USP13: variants seen among roughly 807,000 people sequenced by gnomAD.
The protein encoded by USP13 is ubiquitin carboxyl-terminal hydrolase 13.
USP13 carries 68 observed loss-of-function variants against 107.8 expected under a neutral mutation model. The ratio of observed to expected loss-of-function variants is 0.63; its 90% CI spans 0.52 to 0.77. The LOEUF is 0.77. USP13 is among the 30% of genes least tolerant of loss of function. The pLI is 0.00. For synonymous variants in USP13, 377 were observed against 389.5 expected, an observed-to-expected ratio of 0.97 and a Z score of 0.38; for missense variants, 945 against 1,093.3, an observed-to-expected ratio of 0.86 and a Z score of 1.91.
At position 179,690,259 on chromosome 3, in the gene USP13, G is replaced by C; in HGVS notation, c.313G>C (p.Gly105Arg). ...HVREKVRGAS[G>R]GALPKRRNSK... The stretch of plus-strand genomic sequence containing the variant: ...TTTTCAGAAGGTAAGAGGGGCGTCT[G>C]GTGGAGCGTTACCAAAAAGGAGGAA... The change falls in exon 3 of 21, where the codon GGT becomes CGT. Residue 105 changes from glycine to arginine, a missense_variant. Gly to Arg is a moderately radical substitution (Grantham distance 125). Transcript: ENST00000263966. The C allele has an allele frequency of 6.2e-7, 1 of 1,613,940 alleles. No homozygotes were observed. The highest frequency in any genetic ancestry group is 8.5e-7 in the Non-Finnish European group (1 of 1,179,908).
intron 13 of USP13, among the ~76,000 whole-genome samples, 178 bp from the exon 14 acceptor site, chr3:179,752,107 A>G (rs959122889): frequency 1.3e-5 from 2 of 152,214 alleles, no homozygotes; most frequent in African/African-American, 4.8e-5. Context: ...GGCCAGGACA[A>G]ATGAGCAGGG....
Position 179,742,460 on chromosome 3 carries a change from A to G in USP13, c.1534+110A>G, listed in dbSNP as rs963091701. 1.5e-6 allele frequency: 2 copies of G among 1,341,318 alleles called. No homozygotes were observed. The highest frequency in any genetic ancestry group is 2.9e-5 in the African/African-American group (2 of 68,486). 83.1% of individuals were successfully genotyped at this position (1,341,318 alleles called of 1,614,324 possible). On this transcript the variant is annotated intron_variant, in intron 12 of 20. Transcript: ENST00000263966. This position sits in a 1 kb window ranked among gnomAD's most constrained non-coding sequence, Gnocchi z 5.0. ...AGTGTGTCAGGAGTAGACCCAGCCC[A>G]GGTGATGTCTGCTTTGCACATCTCT...
chr3:179,746,377 C>T (rs1406292080), intron 13 of USP13, among the ~76,000 whole-genome samples: 3 of 151,598 alleles, frequency 2.0e-5, no homozygotes, highest in Non-Finnish European at 2.9e-5. Context: ...TTTCAGCCTC[C>T]TGAGTAGCTG....
intron 9 of USP13, 41 bp from the exon 10 acceptor site, chr3:179,730,575 C>G: frequency 6.5e-7 from 1 of 1,537,516 alleles, no homozygotes; most frequent in Non-Finnish European, 8.9e-7. Context: ...TATGGAAAAA[C>G]AACAATGACC....
At chr3:179,675,043 C>T (rs1057070047) in intron 1 of USP13, among the ~76,000 whole-genome samples, 6 of 151,794 alleles carry the variant, frequency 4.0e-5, no homozygotes, top group Non-Finnish European at 7.4e-5. Flanking sequence ...GGCATGGTGG[C>T]GGGCGCCTGT....
intron 10 of USP13, among the ~76,000 whole-genome samples, chr3:179,738,135 C>T (rs1714058588): frequency 6.6e-6 from 1 of 152,136 alleles, no homozygotes; most frequent in African/African-American, 2.4e-5. Context: ...AAGACATGGC[C>T]TCCACCGCAA....
At chr3:179,689,698 C>T (rs1044250777) in intron 2 of USP13, among the ~76,000 whole-genome samples, 13 of 151,930 alleles carry the variant, frequency 8.6e-5, no homozygotes, top group African/African-American at 3.1e-4. Flanking sequence ...ACGATGCTTA[C>T]GATGGCAAAC....
At chr3:179,746,268 T>A (rs7653814) in intron 13 of USP13, among the ~76,000 whole-genome samples, 90,168 of 147,186 alleles carry the variant, frequency 0.61, 28,886 homozygotes, top group African/African-American at 0.79. Flanking sequence ...TTATATATAT[T>A]TTTTAGAGGG....
intron 8 of USP13, among the ~76,000 whole-genome samples, chr3:179,724,460 G>GAAA (rs10671346): frequency 2.2e-4 from 19 of 85,114 alleles, no homozygotes; most frequent in African/African-American, 6.0e-4. Flanking sequence ...TCTGTCTCAA[G>GAAA]AAAAAAAAAA....
chr3:179,765,620 G>A (rs1715146691), intron 18 of USP13, 75 bp from the exon 19 acceptor site: 2 of 1,532,840 alleles, frequency 1.3e-6, no homozygotes, highest in African/African-American at 2.8e-5. Flanking sequence ...CTGACATCTA[G>A]TTGAAATGGT....
At chr3:179,687,035 C>A (rs1369553031) in intron 2 of USP13, among the ~76,000 whole-genome samples, 1 of 152,168 alleles carries the variant, frequency 6.6e-6, no homozygotes, top group African/African-American at 2.4e-5. Flanking sequence ...TCAGGGTTAT[C>A]CATATTTTTG....
intron 16 of USP13, among the ~76,000 whole-genome samples, chr3:179,759,366 T>C (rs953878671): frequency 2.0e-5 from 3 of 152,230 alleles, no homozygotes; most frequent in Non-Finnish European, 2.9e-5. Flanking sequence ...ACTAAAGTCT[T>C]AAAAGTTGTT....
At chr3:179,774,956 TTAAC>T (rs1252985453) in intron 19 of USP13, among the ~76,000 whole-genome samples, 6 of 152,196 alleles carry the variant, frequency 3.9e-5, no homozygotes, top group African/African-American at 1.2e-4. Context: ...TCCCACTAGA[TTAAC>T]TAGACACAGA....
intron 15 of USP13, 42 bp from the exon 16 acceptor site, chr3:179,757,010 C>T (rs1714830363): frequency 6.2e-7 from 1 of 1,610,546 alleles, no homozygotes; most frequent in Middle Eastern, 1.7e-4. Context: ...AACTCCTCAA[C>T]ATGGTTTGGT....
intron 19 of USP13, among the ~76,000 whole-genome samples, chr3:179,775,466 C>G (rs1715494833): frequency 1.3e-5 from 2 of 152,274 alleles, no homozygotes; most frequent in African/African-American, 4.8e-5. Flanking sequence ...CCTAGTGGAT[C>G]CTGTGCCAGG....
intron 13 of USP13, among the ~76,000 whole-genome samples, chr3:179,749,482 T>C (rs1341684822): frequency 6.6e-6 from 1 of 152,246 alleles, no homozygotes; most frequent in Non-Finnish European, 1.5e-5. Context: ...GCATAATTTA[T>C]AACTGTGCTA....
At chr3:179,718,452 C>T (rs889200203) in intron 6 of USP13, among the ~76,000 whole-genome samples, 2 of 152,016 alleles carry the variant, frequency 1.3e-5, no homozygotes, top group African/African-American at 4.8e-5. Context: ...CCATGTACCT[C>T]GCTGGTGTCC....
At chr3:179,780,511 GAGAA>G (rs957554587) in intron 19 of USP13, among the ~76,000 whole-genome samples, 2 of 152,074 alleles carry the variant, frequency 1.3e-5, no homozygotes, top group Non-Finnish European at 2.9e-5. Context: ...CAGCCAGAGA[GAGAA>G]AGAAAGAGAG....
At chr3:179,729,222 G>T (rs1713701524) in intron 8 of USP13, among the ~76,000 whole-genome samples, 1 of 152,100 alleles carries the variant, frequency 6.6e-6, no homozygotes, top group Admixed American at 6.5e-5. Context: ...TCACAAAGAA[G>T]AAACGTCAAG....
Sources: gnomAD v4.1 joint callset for allele counts (sites outside exome capture counted in the v4.1 genomes callset) on GRCh38, gnomAD v4.1.1 for gene constraint, Gnocchi (gnomAD v3.1) non-coding constraint, MANE v1.5 for transcripts, NCBI Gene and HGNC (gene_info 2026-07-23, HGNC 2026-07-21) for gene names.